The following PCDH15 variants were observed in gnomAD, a reference collection of about 807,000 sequenced individuals.
The protein encoded by PCDH15 is protocadherin-15.
A neutral mutation model predicts 178.5 loss-of-function variants in PCDH15; 129 were observed. That is an observed-to-expected ratio of 0.72 (90% CI 0.63 to 0.84). The LOEUF is 0.84. Among genes scored for constraint, PCDH15 ranks in the 40% least tolerant of loss-of-function variants. The probability of loss-of-function intolerance (pLI) is 0.00; values close to 1 mark genes in which losing one functional copy is unlikely to be tolerated. For missense variants in PCDH15, 2,230 were observed against 2,099.9 expected (o/e 1.06, Z -1.21); for synonymous variants, 800 against 732.0 (o/e 1.09, Z -1.50).
intron 2 of PCDH15, among the ~76,000 whole-genome samples, chr10:55,080,863 CCAGA>C (rs983285887): frequency 6.6e-6 from 1 of 152,080 alleles, no homozygotes; most frequent in Non-Finnish European, 1.5e-5. Context: ...GCTCCCAGCC[CCAGA>C]CAGTCAGTTT....
chr10:53,877,771 C>A (rs1333462425), intron 26 of PCDH15, among the ~76,000 whole-genome samples: 2 of 152,092 alleles, frequency 1.3e-5, no homozygotes, highest in Non-Finnish European at 2.9e-5. Context: ...TTTAATCTCA[C>A]CTCCTGGCTC....
chr10:53,999,282 T>C (rs374793108), intron 20 of PCDH15, among the ~76,000 whole-genome samples: 42 of 152,266 alleles, frequency 2.8e-4, no homozygotes, highest in African/African-American at 9.9e-4. Context: ...CGTGGGTGTA[T>C]GGTTGATTGT....
At chr10:54,341,943 G>T (rs1942308498) in intron 6 of PCDH15, among the ~76,000 whole-genome samples, 1 of 152,196 alleles carries the variant, frequency 6.6e-6, no homozygotes, top group African/African-American at 2.4e-5. Context: ...AAGTATTCAA[G>T]ATGTGACCTG....
intron 3 of PCDH15, among the ~76,000 whole-genome samples, chr10:54,890,414 A>G (rs996181093): frequency 6.6e-6 from 1 of 152,040 alleles, no homozygotes. Context: ...GATAAATGTA[A>G]ATAAAATATA....
intron 5 of PCDH15, among the ~76,000 whole-genome samples, chr10:54,356,956 A>G (rs1945102506): frequency 6.6e-6 from 1 of 152,162 alleles, no homozygotes; most frequent in Non-Finnish European, 1.5e-5. Flanking sequence ...GACAAAATTC[A>G]ACAACCCTTC....
chr10:54,503,819 T>C (rs2080933932), intron 3 of PCDH15, among the ~76,000 whole-genome samples: 2 of 152,110 alleles, frequency 1.3e-5, no homozygotes, highest in South Asian at 2.1e-4. Flanking sequence ...ACCTGGAATG[T>C]CTGGTCCTTT....
chr10:55,041,692 T>C (rs535014039), intron 2 of PCDH15, among the ~76,000 whole-genome samples: 5 of 152,162 alleles, frequency 3.3e-5, no homozygotes, highest in Non-Finnish European at 7.4e-5. Context: ...CTATTTTGTC[T>C]AATAACTTGC....
At chr10:54,344,405 T>A in intron 6 of PCDH15, among the ~76,000 whole-genome samples, 1 of 152,148 alleles carries the variant, frequency 6.6e-6, no homozygotes. Context: ...ATTGCACAGT[T>A]AAAAAAGAAT....
intron 21 of PCDH15, among the ~76,000 whole-genome samples, chr10:53,983,315 G>A (rs953317008): frequency 5.0e-4 from 75 of 150,194 alleles, no homozygotes; most frequent in African/African-American, 1.8e-3. Flanking sequence ...TCATATTTTA[G>A]TGAATTTAAC....
chr10:55,392,771 A>G (rs1454526114), intron 2 of PCDH15, among the ~76,000 whole-genome samples: 5 of 152,174 alleles, frequency 3.3e-5, no homozygotes, highest in Admixed American at 6.6e-5. Context: ...AGACTGTTTC[A>G]TAGTAAAATT....
intron 2 of PCDH15, among the ~76,000 whole-genome samples, chr10:55,454,756 G>A (rs1456237526): frequency 7.1e-6 from 1 of 141,102 alleles, no homozygotes; most frequent in Admixed American, 7.4e-5. Context: ...CTGCACTCCA[G>A]CCTGGGCAAC....
In PCDH15 at chr10:54,731,561, T is replaced by TGC. The variant is rs1566067457; in HGVS notation, c.-28-67272_-28-67271insGC. ...TGTGAGATAGATATATATATATATA[T>TGC]ATACACACACACACACACACACACA... On this transcript the variant is annotated intron_variant, in intron 1 of 37. Coordinates refer to ENST00000644397, the MANE Select transcript of PCDH15 (RefSeq NM_001384140.1). Among the ~76,000 whole-genome samples, 24 of 48,358 alleles carry TGC rather than the reference T, an allele frequency of 5.0e-4. 2 individuals carry two copies. The highest frequency in any genetic ancestry group is 1.8e-3 in the African/African-American group (24 of 13,624). 31.7% of individuals were successfully genotyped at this position (48,358 alleles called of 152,430 possible).
At chr10:54,734,853 A>G (rs1943871184) in intron 1 of PCDH15, among the ~76,000 whole-genome samples, 1 of 148,942 alleles carries the variant, frequency 6.7e-6, no homozygotes, top group South Asian at 2.1e-4. Context: ...TAAAAAGCAA[A>G]ACTATAAGAA....
chr10:55,088,092 A>G (rs1348277347), intron 2 of PCDH15, among the ~76,000 whole-genome samples: 1 of 152,102 alleles, frequency 6.6e-6, no homozygotes, highest in Non-Finnish European at 1.5e-5. Flanking sequence ...TGGCTTTCTT[A>G]ATTCTAATAC....
Position 54,435,530 on chromosome 10 carries a change from AAT to A in PCDH15, c.158-56590_158-56589del, listed in dbSNP as rs1211778813. 2.6e-5 allele frequency among the ~76,000 whole-genome samples: 4 copies of A among 152,310 alleles called. No individual in the cohort carries two copies. In the East Asian group the frequency reaches 5.8e-4, roughly 22 times the overall value. On this transcript the variant is annotated intron_variant, in intron 3 of 37. Coordinates refer to ENST00000644397, the MANE Select transcript of PCDH15 (RefSeq NM_001384140.1). ...CGAACAAATATCTGTGGAAAGAAAAAATGATTCCTTATTTTAGACCTCTACTC... is the reference window on the plus strand; with the variant it reads ...CGAACAAATATCTGTGGAAAGAAAAAGATTCCTTATTTTAGACCTCTACTC...
intron 2 of PCDH15, among the ~76,000 whole-genome samples, chr10:55,606,806 C>A (rs1324244052): frequency 7.0e-6 from 1 of 142,344 alleles, no homozygotes; most frequent in Admixed American, 7.0e-5. Flanking sequence ...AGAAGAAAAC[C>A]TAGGCATTAC....
chr10:55,545,385 C>G (rs1841857411), intron 2 of PCDH15, among the ~76,000 whole-genome samples: 1 of 152,006 alleles, frequency 6.6e-6, no homozygotes, highest in African/African-American at 2.4e-5. Flanking sequence ...AAGTGATTCT[C>G]CTTCCTCAGC....
intron 2 of PCDH15, among the ~76,000 whole-genome samples, chr10:55,109,829 A>C (rs2132054690): frequency 6.6e-6 from 1 of 152,188 alleles, no homozygotes; most frequent in Non-Finnish European, 1.5e-5. Flanking sequence ...ATTGAGCTTT[A>C]TTCTCGAAAT....
intron 2 of PCDH15, among the ~76,000 whole-genome samples, chr10:55,544,271 T>C (rs993707494): frequency 6.6e-6 from 1 of 150,410 alleles, no homozygotes; most frequent in African/African-American, 2.4e-5. Context: ...TTTAGTGGAC[T>C]GGCTACACAT....
Sources: allele counts gnomAD v4.1 joint callset (sites outside exome capture counted in the v4.1 genomes callset), GRCh38; gene constraint gnomAD v4.1.1; transcripts MANE v1.5; gene names NCBI Gene and HGNC (gene_info 2026-07-23, HGNC 2026-07-21).